STYXL2: variants seen among roughly 807,000 people sequenced by gnomAD.
The protein encoded by STYXL2 is serine/threonine/tyrosine interacting like 2.
Under a neutral mutation model 52.4 loss-of-function variants are expected in STYXL2, and 44 were observed. The ratio of observed to expected loss-of-function variants is 0.84; its 90% CI spans 0.66 to 1.08. STYXL2 has a LOEUF of 1.08. Among genes scored for constraint, STYXL2 ranks in the 50% least tolerant of loss-of-function variants. The probability of loss-of-function intolerance (pLI) is 0.00; values close to 1 mark genes in which losing one functional copy is unlikely to be tolerated. For synonymous variants in STYXL2, 604 were observed against 586.9 expected (o/e 1.03, Z -0.42); for missense variants, 1,604 against 1,471.7 (o/e 1.09, Z -1.47).
rs1441226635 is a variant in STYXL2 at position 167,126,544 on chromosome 1, G to A, written c.1413G>A (p.Met471Ile). ...GCAGGAGGCGCCGCGCAGACTCGAT[G>A]TCCTCGGAGAGCACCTGGGACGCAT... ...DHGRRRRADS[M>I]SSESTWDAWN... is the part of the protein sequence containing the mutation. The change falls in exon 6 of 6, where the codon ATG becomes ATA. Residue 471 changes from methionine (M) to isoleucine (I), a missense_variant. By Grantham distance (10) the Met-to-Ile change is conservative. Transcript: ENST00000361200. 1.9e-6 allele frequency: 3 copies of A among 1,613,808 alleles called. No individual in the cohort carries two copies. Among genetic ancestry groups the A allele is most frequent in the Non-Finnish European group, 2.5e-6 (3 of 1,179,954 alleles).
intron 2 of STYXL2, among the ~76,000 whole-genome samples, chr1:167,097,857 A>G (rs554701117): frequency 1.3e-5 from 2 of 152,216 alleles, no homozygotes; most frequent in African/African-American, 4.8e-5. Context: ...TTTACAAGAG[A>G]CACACCTTAA....
intron 2 of STYXL2, among the ~76,000 whole-genome samples, chr1:167,101,761 A>C (rs1279241415): frequency 1.3e-5 from 2 of 150,058 alleles, no homozygotes; most frequent in African/African-American, 2.5e-5. Context: ...AGATTGCACC[A>C]CTGCACTTCA....
intron 2 of STYXL2, among the ~76,000 whole-genome samples, chr1:167,095,533 A>G (rs1258918971): frequency 2.0e-5 from 3 of 152,206 alleles, no homozygotes; most frequent in Non-Finnish European, 4.4e-5. Flanking sequence ...ACCACAAGTA[A>G]TTTGAAACTT....
rs374240399 is a variant in STYXL2 at position 167,127,377 on chromosome 1, C to G, written c.2246C>G (p.Pro749Arg). 1 of 1,614,052 alleles carries G rather than the reference C, an allele frequency of 6.2e-7. No homozygotes were observed. The highest frequency in any genetic ancestry group is 1.1e-5 in the South Asian group (1 of 91,086). Reference sequence around the variant, plus strand: ...GAAATGCTGCTGTTGTCCCGCTCACCGTCTGTTGCAAGCATGAAGGCAGTA... The same window carrying G: ...GAAATGCTGCTGTTGTCCCGCTCACGGTCTGTTGCAAGCATGAAGGCAGTA... ...QNEMLLLSRS[P>R]SVASMKAVPA... Residue 749 changes from proline to arginine, a missense_variant, in exon 6 of 6, where the codon CCG becomes CGG. Physicochemically the swap from Pro to Arg is moderately radical, Grantham distance 103. Coordinates refer to ENST00000361200, the MANE Select transcript of STYXL2 (RefSeq NM_001080426.3).
intron 1 of STYXL2, chr1:167,094,523 C>G (rs1312659149): frequency 3.2e-6 from 1 of 312,120 alleles, no homozygotes; most frequent in African/African-American, 2.1e-5. Context: ...TGTTCTTCAA[C>G]TTTTTGAGCT....
Position 167,126,204 on chromosome 1 carries a change from A to G in STYXL2, c.1073A>G (p.Gln358Arg), listed in dbSNP as rs780471336. The change falls in exon 6 of 6, where the codon CAG becomes CGG. Residue 358 changes from glutamine to arginine, a missense_variant. Transcript: ENST00000361200. ...CTGTACGAGCAGTGGAAGAAGGGGC[A>G]GGGCCTCCTCTCAGACAAGGTCCCC... ...EKLYEQWKKG[Q>R]GLLSDKVPQD... 3.4e-5 allele frequency: 52 copies of G among 1,533,900 alleles called. No individual in the cohort carries two copies. Among genetic ancestry groups the G allele is most frequent in the Non-Finnish European group, 4.4e-5 (50 of 1,145,344 alleles).
intron 3 of STYXL2, among the ~76,000 whole-genome samples, chr1:167,115,625 G>A (rs1379526414): frequency 2.0e-5 from 3 of 152,126 alleles, no homozygotes; most frequent in Non-Finnish European, 4.4e-5. Context: ...ATGTAGTAAG[G>A]GAAAGACATC....
At chr1:167,119,072 C>T (rs2149023) in intron 4 of STYXL2, among the ~76,000 whole-genome samples, 177 bp from the exon 5 acceptor site, 44,566 of 151,988 alleles carry the variant, frequency 0.29, 7,245 homozygotes, top group East Asian at 0.72. Context: ...TTGCTGAGGC[C>T]AAGTCATCAA....
At chr1:167,102,168 G>C (rs1451080436) in intron 2 of STYXL2, among the ~76,000 whole-genome samples, 1 of 151,930 alleles carries the variant, frequency 6.6e-6, no homozygotes, top group Non-Finnish European at 1.5e-5. Context: ...GGGGTGAGAG[G>C]GAGGGCTTAA....
chr1:167,125,658 C>T, intron 5 of STYXL2, 129 bp from the exon 6 acceptor site: 2 of 1,368,050 alleles, frequency 1.5e-6, no homozygotes, highest in South Asian at 1.7e-5. Flanking sequence ...CCCGGATGAA[C>T]TTCAGAGGCA....
At chr1:167,100,113 C>T (rs191081792) in intron 2 of STYXL2, among the ~76,000 whole-genome samples, 3 of 152,358 alleles carry the variant, frequency 2.0e-5, no homozygotes, top group Admixed American at 2.0e-4. Flanking sequence ...CATCACATAG[C>T]ATGAGTGCAT....
chr1:167,125,989 T>C lies in STYXL2; in HGVS notation c.858T>C (p.Tyr286=). The part of the protein sequence containing the change: ...EKLMEEREED[Y]GREGGSAEAE... ...TGATGGAGGAGAGAGAAGAGGACTA[T>C]GGCCGGGAGGGGGGATCAGCTGAGG... Residue 286 remains tyrosine, a synonymous_variant, in exon 6 of 6, where the codon TAT becomes TAC. Coordinates refer to ENST00000361200, the MANE Select transcript of STYXL2 (RefSeq NM_001080426.3). 6.2e-7 allele frequency: 1 copy of C among 1,611,762 alleles called. No homozygotes were observed. The highest frequency in any genetic ancestry group is 8.5e-7 in the Non-Finnish European group (1 of 1,179,050).
At position 167,125,427 on chromosome 1, in the gene STYXL2, C is replaced by G. The variant is rs540649844; in HGVS notation, c.656-360C>G. Among the ~76,000 whole-genome samples, 5 of 152,314 alleles carry G rather than the reference C, an allele frequency of 3.3e-5. No homozygotes were observed. The South Asian group carries it at 1.0e-3, about 32-fold the overall frequency. On this transcript the variant is annotated intron_variant, in intron 5 of 5. Coordinates refer to ENST00000361200, the MANE Select transcript of STYXL2 (RefSeq NM_001080426.3). ...TGTGACTTATGATGCTTCCCAACACCAAGATTCTATTTCTCTGTGATTCAT... is the reference window on the plus strand; with the variant it reads ...TGTGACTTATGATGCTTCCCAACACGAAGATTCTATTTCTCTGTGATTCAT...
Position 167,127,385 on chromosome 1 carries a change from G to A in STYXL2, c.2254G>A (p.Ala752Thr). ...MLLLSRSPSV[A>T]SMKAVPAASC... is the part of the protein sequence containing the mutation. ...GCTGTTGTCCCGCTCACCGTCTGTT[G>A]CAAGCATGAAGGCAGTACCAGCGGC... The change falls in exon 6 of 6, where the codon GCA (alanine) becomes ACA (threonine). Residue 752 changes from alanine (A) to threonine (T), a missense_variant. By Grantham distance (58) the Ala-to-Thr change is moderately conservative (BLOSUM62 0). Transcript: ENST00000361200. 1 of 1,614,168 alleles carries A rather than the reference G, an allele frequency of 6.2e-7. No homozygotes were observed. Among genetic ancestry groups the A allele is most frequent in the Non-Finnish European group, 8.5e-7 (1 of 1,180,034 alleles).
At chr1:167,098,301 G>A (rs985131416) in intron 2 of STYXL2, among the ~76,000 whole-genome samples, 1 of 151,882 alleles carries the variant, frequency 6.6e-6, no homozygotes, top group Non-Finnish European at 1.5e-5. Context: ...GAGCCACCAC[G>A]CCCGGCCCAA....
intron 5 of STYXL2, 106 bp from the exon 6 acceptor site, chr1:167,125,681 T>C: frequency 7.0e-7 from 1 of 1,431,900 alleles, no homozygotes; most frequent in African/African-American, 1.5e-5. Flanking sequence ...GTAAACACCT[T>C]AAGTGCAGCA....
chr1:167,116,809 G>A (rs532552383), intron 3 of STYXL2, among the ~76,000 whole-genome samples: 7 of 152,030 alleles, frequency 4.6e-5, no homozygotes, highest in South Asian at 2.1e-4. Context: ...TCTCCACCAC[G>A]CTTGGCTAAT....
At chr1:167,113,856 C>T (rs914883094) in intron 3 of STYXL2, 52 bp downstream of exon 3, 3 of 1,396,944 alleles carry the variant, frequency 2.1e-6, no homozygotes, top group African/African-American at 2.8e-5. Flanking sequence ...CATCTGGAGA[C>T]CCTTAGAGGG....
In STYXL2 at chr1:167,128,865, A is replaced by C. The variant is rs972145429; in HGVS notation, c.*257A>C. ...CATTTTCTGTTGCTCAGCGCCCTCT[A>C]AGCTTTGGTGTTTCACTTAATGTAT... is the stretch of plus-strand genomic sequence containing the variant. On this transcript the variant is annotated 3_prime_UTR_variant, in exon 6 of 6. Transcript: ENST00000361200. The C allele has an allele frequency of 2.5e-5, 12 of 479,534 alleles. No individual in the cohort carries two copies. The highest frequency in any genetic ancestry group is 1.9e-4 in the Admixed American group (5 of 26,166). 29.7% of individuals were successfully genotyped at this position (479,534 alleles called of 1,614,324 possible).
Sources: allele counts gnomAD v4.1 joint callset (sites outside exome capture counted in the v4.1 genomes callset), GRCh38; gene constraint gnomAD v4.1.1; transcripts MANE v1.5; gene names NCBI Gene and HGNC (gene_info 2026-07-23, HGNC 2026-07-21).